Variants in IMPG1 observed in about 807,000 individuals in gnomAD.
IMPG1 encodes interphotoreceptor matrix proteoglycan of 150 kDa.
A neutral mutation model predicts 92.0 loss-of-function variants in IMPG1; 85 were observed. The ratio of observed to expected loss-of-function variants is 0.92; its 90% CI spans 0.78 to 1.11. The LOEUF (loss-of-function observed/expected upper bound fraction) is 1.11. IMPG1 is among the 50% of genes least tolerant of loss of function. The pLI is 0.00. For missense variants in IMPG1, 1,022 were observed against 956.0 expected (o/e 1.07, Z -0.91); for synonymous variants, 367 against 334.1 (o/e 1.10, Z -1.08).
intron 12 of IMPG1, among the ~76,000 whole-genome samples, chr6:75,993,853 G>A (rs1184724517): frequency 6.6e-6 from 1 of 152,152 alleles, no homozygotes; most frequent in Non-Finnish European, 1.5e-5. Context: ...TTACTACTGA[G>A]GGATGATCAG....
chr6:76,018,375 ATATGT>A (rs1483133637), intron 7 of IMPG1, among the ~76,000 whole-genome samples: 3 of 152,214 alleles, frequency 2.0e-5, no homozygotes, highest in African/African-American at 7.2e-5. Context: ...AAGTTGTGAC[ATATGT>A]TAGGCTACTA....
chr6:76,012,567 G>A (rs1783204779), intron 7 of IMPG1, among the ~76,000 whole-genome samples: 1 of 152,226 alleles, frequency 6.6e-6, no homozygotes, highest in African/African-American at 2.4e-5. Flanking sequence ...TCCTGTTGGA[G>A]ACTGGGAGGC....
intron 14 of IMPG1, among the ~76,000 whole-genome samples, chr6:75,933,390 T>G (rs1781693838): frequency 6.6e-6 from 1 of 152,226 alleles, no homozygotes; most frequent in Non-Finnish European, 1.5e-5. Flanking sequence ...GATTTCACCA[T>G]GATCCTGTAC....
chr6:76,025,212 T>A lies in IMPG1; in HGVS notation c.544A>T (p.Thr182Ser), dbSNP rs534975100. The A allele has an allele frequency of 2.0e-5, 32 of 1,601,946 alleles. No individual in the cohort carries two copies. Among genetic ancestry groups the A allele is most frequent in the South Asian group, 7.7e-5 (7 of 90,346 alleles). Residue 182 changes from threonine to serine, a missense_variant, in exon 5 of 17, where the codon ACC becomes TCC. By Grantham distance (58) the Thr-to-Ser change is moderately conservative. Coordinates refer to ENST00000369950, the MANE Select transcript of IMPG1 (RefSeq NM_001563.4). ...AGCTTACCTGTTGAAATGACAATGG[T>A]TTCACCAGGCTCTCCCAATGTCTTC... ...AEKTLGEPGETIVISTDVANV... is the reference protein window; with the variant it reads ...AEKTLGEPGESIVISTDVANV...
At chr6:75,957,090 T>C (rs1308927247) in intron 12 of IMPG1, among the ~76,000 whole-genome samples, 1 of 152,092 alleles carries the variant, frequency 6.6e-6, no homozygotes, top group African/African-American at 2.4e-5. Context: ...TGGCAAATTT[T>C]TGTATTTTTA....
chr6:75,930,826 T>C (rs1781653285), intron 15 of IMPG1, 127 bp downstream of exon 15: 1 of 840,568 alleles, frequency 1.2e-6, no homozygotes, highest in Non-Finnish European at 1.9e-6. Flanking sequence ...TTCTGGGTGA[T>C]TTCTACACTC....
At chr6:76,027,784 G>A (rs1485931306) in intron 4 of IMPG1, among the ~76,000 whole-genome samples, 2 of 152,122 alleles carry the variant, frequency 1.3e-5, no homozygotes, top group African/African-American at 2.4e-5. Flanking sequence ...GTTATAAAAG[G>A]TTTTTGCTTC....
intron 1 of IMPG1, among the ~76,000 whole-genome samples, chr6:76,053,561 G>C (rs575940128): frequency 1.3e-5 from 2 of 152,298 alleles, no homozygotes; most frequent in Admixed American, 6.5e-5. Flanking sequence ...ATAATGATTT[G>C]TGCCAAATAT....
rs146968094 is a variant in IMPG1 at position 76,035,317 on chromosome 6, T to G, written c.302-530A>C. On this transcript the variant is annotated intron_variant, in intron 2 of 16. Transcript: ENST00000369950. ...CAGGAGTTCAAGACCAGCCTCAACA[T>G]GGAGAAAGCTCGTCTCTACTAAAAA... Among the ~76,000 whole-genome samples, 380 of 152,000 alleles carry G rather than the reference T, an allele frequency of 2.5e-3. 1 individual carries two copies. The highest frequency in any genetic ancestry group is 8.4e-3 in the African/African-American group (347 of 41,460).
chr6:76,060,848 A>G (rs904175482), intron 1 of IMPG1, among the ~76,000 whole-genome samples: 1 of 152,142 alleles, frequency 6.6e-6, no homozygotes, highest in Admixed American at 6.6e-5. Flanking sequence ...TATAGTGAGG[A>G]GGTCAGGACT....
chr6:76,059,551 C>T lies in IMPG1; in HGVS notation c.67+12871G>A, dbSNP rs548474463. The stretch of plus-strand genomic sequence containing the variant: ...ACCAGCAGTCATCTGGTAGTGTTAG[C>T]AGAGGAAAGTTGGCTTTTGAGTTAA... On this transcript the variant is annotated intron_variant, in intron 1 of 16. Coordinates refer to ENST00000369950, the MANE Select transcript of IMPG1 (RefSeq NM_001563.4). 2.5e-4 allele frequency among the ~76,000 whole-genome samples: 38 copies of T among 152,196 alleles called. No individual in the cohort carries two copies. The South Asian group carries it at 7.9e-3, about 32-fold the overall frequency.
At chr6:75,926,425 G>T (rs565447863) in intron 15 of IMPG1, among the ~76,000 whole-genome samples, 1 of 152,310 alleles carries the variant, frequency 6.6e-6, no homozygotes, top group South Asian at 2.1e-4. Flanking sequence ...TCCATTTGAG[G>T]TGTAGCATGT....
At chr6:75,977,598 A>C (rs1019373965) in intron 12 of IMPG1, among the ~76,000 whole-genome samples, 4 of 151,888 alleles carry the variant, frequency 2.6e-5, no homozygotes, top group Admixed American at 6.6e-5. Context: ...AAAAAAAAAA[A>C]AAACAAAAAA....
chr6:75,943,874 T>C (rs922386987), intron 14 of IMPG1, among the ~76,000 whole-genome samples: 1 of 152,218 alleles, frequency 6.6e-6, no homozygotes, highest in Non-Finnish European at 1.5e-5. Flanking sequence ...CACAGGAATT[T>C]GTAGGAAGTC....
At chr6:76,012,751 A>G (rs1370498164) in intron 7 of IMPG1, among the ~76,000 whole-genome samples, 1 of 152,118 alleles carries the variant, frequency 6.6e-6, no homozygotes, top group Admixed American at 6.5e-5. Context: ...TTAATTGATC[A>G]GTGATACGCA....
intron 12 of IMPG1, among the ~76,000 whole-genome samples, chr6:75,965,393 C>G (rs1411466727): frequency 6.7e-6 from 1 of 148,442 alleles, no homozygotes; most frequent in Non-Finnish European, 1.5e-5. Context: ...TTTAGCTATT[C>G]TGATCAGTGT....
intron 12 of IMPG1, among the ~76,000 whole-genome samples, chr6:75,983,737 A>G (rs953519076): frequency 6.6e-6 from 1 of 152,210 alleles, no homozygotes; most frequent in Non-Finnish European, 1.5e-5. Context: ...AGGATTACAT[A>G]AACTAAAAAC....
chr6:76,053,269 CTA>C (rs1287995674), intron 1 of IMPG1, among the ~76,000 whole-genome samples: 1 of 152,176 alleles, frequency 6.6e-6, no homozygotes, highest in African/African-American at 2.4e-5. Flanking sequence ...GTGAGCAACA[CTA>C]TGCTTTCCAG....
At chr6:75,933,593 C>T (rs1356794883) in intron 14 of IMPG1, among the ~76,000 whole-genome samples, 4 of 152,056 alleles carry the variant, frequency 2.6e-5, no homozygotes, top group African/African-American at 4.8e-5. Flanking sequence ...AGTGGCTGCT[C>T]GTTAGCAGTT....
Sources: gnomAD v4.1 joint callset for allele counts (sites outside exome capture counted in the v4.1 genomes callset) on GRCh38, gnomAD v4.1.1 for gene constraint, MANE v1.5 for transcripts, NCBI Gene and HGNC (gene_info 2026-07-23, HGNC 2026-07-21) for gene names.